The following HCN1 variants were observed in gnomAD, a reference collection of about 807,000 sequenced individuals.
The protein encoded by HCN1 is hyperpolarization activated cyclic nucleotide gated potassium channel 1, also known as potassium/sodium hyperpolarization-activated cyclic nucleotide-gated channel 1.
A neutral mutation model predicts 78.9 loss-of-function variants in HCN1; 13 were observed. The observed-to-expected ratio is 0.16, with a 90% confidence interval of 0.11 to 0.26. The LOEUF (loss-of-function observed/expected upper bound fraction) is 0.26. HCN1 is among the 10% of genes least tolerant of loss of function. HCN1 has a pLI of 1.00. For synonymous variants in HCN1, 552 were observed against 455.5 expected, an observed-to-expected ratio of 1.21 and a Z score of -2.70; for missense variants, 810 against 1,154.3, an observed-to-expected ratio of 0.70 and a Z score of 4.32.
chr5:45,372,139 TA>T (rs369303758), intron 4 of HCN1, among the ~76,000 whole-genome samples: 10 of 54,286 alleles, frequency 1.8e-4, no homozygotes, highest in African/African-American at 7.8e-4. Context: ...TATAATATAA[TA>T]ATATATTATA....
chr5:45,343,730 C>T (rs1579825317), intron 5 of HCN1, among the ~76,000 whole-genome samples: 2 of 151,598 alleles, frequency 1.3e-5, no homozygotes, highest in African/African-American at 4.8e-5. Flanking sequence ...AAGGCAGGAA[C>T]TTAGAACTAC....
chr5:45,484,087 T>C (rs1741711163), intron 2 of HCN1, among the ~76,000 whole-genome samples: 1 of 152,152 alleles, frequency 6.6e-6, no homozygotes, highest in Non-Finnish European at 1.5e-5. Flanking sequence ...CTTAGGGTAG[T>C]GAAAGCTGTA....
Position 45,535,427 on chromosome 5 carries a change from G to A in HCN1, c.850-73420C>T, listed in dbSNP as rs1328364120. On this transcript the variant is annotated intron_variant, in intron 2 of 7. Transcript: ENST00000303230. ...AGCATAGCCAACATGGTGAAACCCCGTCTTTACAAAAAATACAAAAATTAG... is the reference window on the plus strand; with the variant it reads ...AGCATAGCCAACATGGTGAAACCCCATCTTTACAAAAAATACAAAAATTAG... Among the ~76,000 whole-genome samples the A allele has an allele frequency of 5.9e-5, 9 of 152,088 alleles. No homozygotes were observed. The South Asian group carries it at 6.2e-4, about 11-fold the overall frequency.
chr5:45,301,015 T>A (rs1337495675), intron 6 of HCN1, among the ~76,000 whole-genome samples: 1 of 152,072 alleles, frequency 6.6e-6, no homozygotes, highest in Non-Finnish European at 1.5e-5. Flanking sequence ...AGTTAATTAA[T>A]TTGAGTTAAT....
intron 2 of HCN1, among the ~76,000 whole-genome samples, chr5:45,479,119 T>A (rs907245329): frequency 6.9e-6 from 1 of 145,284 alleles, no homozygotes; most frequent in African/African-American, 2.7e-5. Context: ...AGAGCGAGAC[T>A]GTTTTAAAAA....
At chr5:45,343,836 TAAAG>T (rs537918910) in intron 5 of HCN1, among the ~76,000 whole-genome samples, 30 of 151,466 alleles carry the variant, frequency 2.0e-4, no homozygotes, top group Non-Finnish European at 3.8e-4. Context: ...GTTGCAGTGT[TAAAG>T]AAGCCAAAAA....
intron 2 of HCN1, among the ~76,000 whole-genome samples, chr5:45,504,061 AG>A (rs1270217900): frequency 6.6e-6 from 1 of 152,122 alleles, no homozygotes; most frequent in Non-Finnish European, 1.5e-5. Flanking sequence ...CTAGGATTGC[AG>A]GCATGAGCCA....
intron 2 of HCN1, among the ~76,000 whole-genome samples, chr5:45,473,856 A>G (rs2111657579): frequency 6.6e-6 from 1 of 151,976 alleles, no homozygotes; most frequent in South Asian, 2.1e-4. Flanking sequence ...CTGTCATCTG[A>G]AAACATCCAC....
intron 1 of HCN1, among the ~76,000 whole-genome samples, chr5:45,648,149 T>G (rs1745586127): frequency 6.6e-6 from 1 of 152,174 alleles, no homozygotes; most frequent in Non-Finnish European, 1.5e-5. Flanking sequence ...CCATTTACCC[T>G]TCCTCACTTA....
chr5:45,566,654 T>A (rs1579973149), intron 2 of HCN1, among the ~76,000 whole-genome samples: 1 of 151,928 alleles, frequency 6.6e-6, no homozygotes, highest in East Asian at 1.9e-4. Flanking sequence ...AAAATAACAA[T>A]AAAATGAGAG....
chr5:45,609,985 T>C (rs1184991757), intron 2 of HCN1, among the ~76,000 whole-genome samples: 1 of 152,150 alleles, frequency 6.6e-6, no homozygotes, highest in East Asian at 1.9e-4. Flanking sequence ...TAAATTGAGG[T>C]CAGATCAAGA....
intron 4 of HCN1, among the ~76,000 whole-genome samples, chr5:45,389,639 AT>A (rs1484331614): frequency 2.0e-5 from 3 of 152,302 alleles, no homozygotes; most frequent in Non-Finnish European, 4.4e-5. Flanking sequence ...TGAAGCTCAA[AT>A]AACACGACAA....
At chr5:45,293,058 T>C (rs192244455) in intron 6 of HCN1, among the ~76,000 whole-genome samples, 3 of 152,164 alleles carry the variant, frequency 2.0e-5, no homozygotes, top group African/African-American at 7.2e-5. Context: ...GAAAACACAT[T>C]TGAATGTATG....
chr5:45,265,264 G>A (rs1744834561), intron 7 of HCN1, among the ~76,000 whole-genome samples: 2 of 152,082 alleles, frequency 1.3e-5, no homozygotes, highest in Non-Finnish European at 2.9e-5. Context: ...ATTATCTAGT[G>A]AAATATCCTG....
At chr5:45,577,378 T>C (rs1743968485) in intron 2 of HCN1, among the ~76,000 whole-genome samples, 1 of 152,052 alleles carries the variant, frequency 6.6e-6, no homozygotes, top group Admixed American at 6.6e-5. Flanking sequence ...TTTTAATATG[T>C]CAAAATGGGG....
chr5:45,471,828 A>G (rs1056226121), intron 2 of HCN1, among the ~76,000 whole-genome samples: 7 of 151,928 alleles, frequency 4.6e-5, no homozygotes, highest in Non-Finnish European at 1.0e-4. Flanking sequence ...ATTATGTTGG[A>G]CTGCTGTTAC....
chr5:45,374,757 C>A (rs1747565192), intron 4 of HCN1, among the ~76,000 whole-genome samples: 1 of 130,812 alleles, frequency 7.6e-6, no homozygotes, highest in African/African-American at 2.8e-5. Flanking sequence ...AAAATACTTG[C>A]AAAATACTAT....
At chr5:45,695,481 C>G (rs1387959945) in intron 1 of HCN1, among the ~76,000 whole-genome samples, 188 bp downstream of exon 1, 1 of 152,144 alleles carries the variant, frequency 6.6e-6, no homozygotes, top group Non-Finnish European at 1.5e-5. Flanking sequence ...GCACATCCTC[C>G]GAGCCCCTCC....
chr5:45,630,255 A>C (rs1239018749), intron 2 of HCN1, among the ~76,000 whole-genome samples: 1 of 152,172 alleles, frequency 6.6e-6, no homozygotes, highest in African/African-American at 2.4e-5. Flanking sequence ...TTAAGCAGAG[A>C]GGGAGCAAGG....
Sources: gnomAD v4.1 joint callset for allele counts (sites outside exome capture counted in the v4.1 genomes callset) on GRCh38, gnomAD v4.1.1 for gene constraint, MANE v1.5 for transcripts, NCBI Gene and HGNC (gene_info 2026-07-23, HGNC 2026-07-21) for gene names.